LRRC7: variants seen among roughly 807,000 people sequenced by gnomAD.
The protein encoded by LRRC7 is leucine-rich repeat-containing protein 7.
Under a neutral mutation model 175.7 loss-of-function variants are expected in LRRC7, and 23 were observed. That is an observed-to-expected ratio of 0.13 (90% CI 0.09 to 0.19). The LOEUF is 0.19. LRRC7 is among the 10% of genes least tolerant of loss of function. LRRC7 has a pLI of 1.00. For missense variants in LRRC7, 1,354 were observed against 1,904.7 expected (o/e 0.71, Z 5.38); for synonymous variants, 685 against 680.9 (o/e 1.01, Z -0.09).
rs1343502928 is a variant in LRRC7 at position 70,134,906 on chromosome 1, A to G, written c.*13019A>G. ...AGGTGTCCACCATTGTTTTGGATAC[A>G]GCTTTTGAGTTTTTGATTTGCCTGA... On this transcript the variant is annotated 3_prime_UTR_variant, in exon 27 of 27. Transcript: ENST00000651989. 2.0e-5 allele frequency among the ~76,000 whole-genome samples: 3 copies of G among 152,258 alleles called. No homozygotes were observed. In the East Asian group the frequency reaches 5.8e-4, roughly 29 times the overall value.
chr1:69,930,777 T>G (rs1323690916), intron 7 of LRRC7, among the ~76,000 whole-genome samples: 1 of 152,166 alleles, frequency 6.6e-6, no homozygotes, highest in African/African-American at 2.4e-5. Context: ...AGGCACATCT[T>G]ATATGGCAGC....
intron 2 of LRRC7, among the ~76,000 whole-genome samples, chr1:69,687,045 A>G (rs747121262): frequency 6.6e-6 from 1 of 152,152 alleles, no homozygotes; most frequent in Admixed American, 6.5e-5. Flanking sequence ...ATAATCATGA[A>G]ATTGTATGTA....
chr1:69,657,961 G>T (rs1047504663), intron 1 of LRRC7, among the ~76,000 whole-genome samples: 2 of 151,666 alleles, frequency 1.3e-5, no homozygotes, highest in Non-Finnish European at 3.0e-5. Flanking sequence ...CTATTTTATT[G>T]ATTCTTTCCA....
At chr1:69,935,428 A>T (rs146728141) in intron 8 of LRRC7, among the ~76,000 whole-genome samples, 2 of 152,168 alleles carry the variant, frequency 1.3e-5, no homozygotes, top group Non-Finnish European at 2.9e-5. Flanking sequence ...ATTCTATTTT[A>T]TTTTAAAGCA....
rs183775314 is a variant in LRRC7 at position 69,594,239 on chromosome 1, C to T, written c.2+25598C>T. ...AATTACCAAATTACATCTTTGTGTA[C>T]GCCGCTCTTTATCCCCTTACTGTAA... On this transcript the variant is annotated intron_variant, in intron 1 of 26. Coordinates refer to ENST00000651989, the MANE Select transcript of LRRC7 (RefSeq NM_001370785.2). Among the ~76,000 whole-genome samples the T allele has an allele frequency of 1.2e-3, 184 of 152,134 alleles. 3 individuals carry two copies. The highest frequency in any genetic ancestry group is 9.2e-3 in the Admixed American group (141 of 15,270).
intron 7 of LRRC7, among the ~76,000 whole-genome samples, chr1:69,855,748 T>A (rs1042887951): frequency 6.6e-6 from 1 of 152,274 alleles, no homozygotes; most frequent in African/African-American, 2.4e-5. Context: ...CCATCATTAT[T>A]GTGTGGGAGT....
intron 23 of LRRC7, among the ~76,000 whole-genome samples, chr1:70,075,796 A>G (rs1662730063): frequency 6.6e-6 from 1 of 152,060 alleles, no homozygotes; most frequent in Non-Finnish European, 1.5e-5. Context: ...TCTTCCTGAG[A>G]TTTTTCAAAC....
At chr1:69,758,820 C>T (rs578060260) in intron 2 of LRRC7, among the ~76,000 whole-genome samples, 7 of 152,098 alleles carry the variant, frequency 4.6e-5, no homozygotes, top group African/African-American at 1.4e-4. Flanking sequence ...TTTGACTTAA[C>T]ATGAGCAATT....
chr1:69,580,859 C>T (rs1450732395), intron 1 of LRRC7, among the ~76,000 whole-genome samples: 2 of 152,116 alleles, frequency 1.3e-5, no homozygotes, highest in Admixed American at 6.6e-5. Flanking sequence ...GACCAAGGTA[C>T]TTAGAGTGAA....
At chr1:69,591,053 G>T (rs945091286) in intron 1 of LRRC7, among the ~76,000 whole-genome samples, 1 of 151,782 alleles carries the variant, frequency 6.6e-6, no homozygotes, top group Admixed American at 6.6e-5. Context: ...TTTAATTTTC[G>T]ATAAAGATGA....
chr1:69,839,041 C>A (rs1570255137), intron 7 of LRRC7: 1 of 307,368 alleles, frequency 3.3e-6, no homozygotes, highest in Non-Finnish European at 6.6e-6. Context: ...GCTATTATCA[C>A]CCTTCTGCAG....
chr1:70,056,260 G>T (rs1178044842), intron 23 of LRRC7, among the ~76,000 whole-genome samples: 3 of 152,078 alleles, frequency 2.0e-5, no homozygotes, highest in Non-Finnish European at 4.4e-5. Context: ...AGAACTCCAT[G>T]GAACACCAAC....
At chr1:69,851,268 CA>C (rs1203032959) in intron 7 of LRRC7, among the ~76,000 whole-genome samples, 26 of 152,040 alleles carry the variant, frequency 1.7e-4, no homozygotes, top group Non-Finnish European at 3.5e-4. Flanking sequence ...TAGGGATTAG[CA>C]AAAAGAGACA....
At chr1:69,870,754 C>T (rs1002787623) in intron 7 of LRRC7, among the ~76,000 whole-genome samples, 8 of 152,110 alleles carry the variant, frequency 5.3e-5, no homozygotes, top group Non-Finnish European at 8.8e-5. Context: ...CTATCACTCC[C>T]TCCATTTTCC....
intron 13 of LRRC7, among the ~76,000 whole-genome samples, chr1:70,016,212 T>A (rs1656949731): frequency 6.6e-6 from 1 of 152,126 alleles, no homozygotes; most frequent in African/African-American, 2.4e-5. Context: ...CTGGAGGGAT[T>A]TTTAGGGGCC....
At chr1:69,873,432 C>A in intron 7 of LRRC7, 1 of 533,200 alleles carries the variant, frequency 1.9e-6, no homozygotes, top group Non-Finnish European at 3.8e-6. Flanking sequence ...GGAGTTCCAT[C>A]TTTTGGGCAT....
chr1:69,968,666 C>A (rs1651904394), intron 8 of LRRC7, among the ~76,000 whole-genome samples: 1 of 152,160 alleles, frequency 6.6e-6, no homozygotes, highest in Admixed American at 6.5e-5. Flanking sequence ...TCAAACAACA[C>A]AATTATCAGC....
At chr1:69,607,928 T>C (rs547093476) in intron 1 of LRRC7, 3 of 152,366 alleles carry the variant, frequency 2.0e-5, no homozygotes, top group East Asian at 1.9e-4. Flanking sequence ...CAAATGAACC[T>C]TGGAGTTGTC....
chr1:69,629,939 A>G (rs920475659), intron 1 of LRRC7, among the ~76,000 whole-genome samples: 3 of 152,146 alleles, frequency 2.0e-5, no homozygotes, highest in South Asian at 4.1e-4. Flanking sequence ...CTTAAATCAC[A>G]GAGAATATAG....
Sources: gnomAD v4.1 joint callset for allele counts (sites outside exome capture counted in the v4.1 genomes callset) on GRCh38, gnomAD v4.1.1 for gene constraint, MANE v1.5 for transcripts, NCBI Gene and HGNC (gene_info 2026-07-23, HGNC 2026-07-21) for gene names.